The following PREPL variants were observed in gnomAD, a reference collection of about 807,000 sequenced individuals.
PREPL encodes prolyl endopeptidase-like.
In PREPL, 77 loss-of-function variants were observed where a neutral mutation model predicts 70.6. That is an observed-to-expected ratio of 1.09 (90% confidence interval 0.91 to 1.32). The LOEUF is 1.32. Ranked by LOEUF, PREPL falls within the 40% of genes most tolerant of loss-of-function variation. The pLI is 0.00. For synonymous variants in PREPL, 315 were observed against 264.8 expected (o/e 1.19, Z -1.84); for missense variants, 1,002 against 778.2 (o/e 1.29, Z -3.42).
At chr2:44,335,434 G>A (rs1178232594) in intron 7 of PREPL, among the ~76,000 whole-genome samples, 6 of 152,094 alleles carry the variant, frequency 3.9e-5, no homozygotes, top group Non-Finnish European at 8.8e-5. Context: ...AATAATAGAT[G>A]CTCCACCAGT....
intron 1 of PREPL, among the ~76,000 whole-genome samples, chr2:44,348,627 C>T (rs1676076273): frequency 1.3e-5 from 2 of 152,152 alleles, no homozygotes; most frequent in South Asian, 4.1e-4. Flanking sequence ...CTTAACTTTA[C>T]ATTCCTTCCT....
intron 1 of PREPL, among the ~76,000 whole-genome samples, chr2:44,348,598 G>A (rs954038209): frequency 2.0e-5 from 3 of 152,078 alleles, no homozygotes; most frequent in African/African-American, 4.8e-5. Flanking sequence ...GCAACAGAGC[G>A]GGCTCCAAAA....
chr2:44,327,781 TG>T (rs1673665454), intron 9 of PREPL, among the ~76,000 whole-genome samples: 1 of 152,012 alleles, frequency 6.6e-6, no homozygotes, highest in Non-Finnish European at 1.5e-5. Context: ...GAGAATTACT[TG>T]AACCTGGGAG....
At chr2:44,355,751 TTATATATATATA>T (rs112927329) in intron 1 of PREPL, among the ~76,000 whole-genome samples, 1 of 141,376 alleles carries the variant, frequency 7.1e-6, no homozygotes, top group Non-Finnish European at 1.5e-5. Flanking sequence ...AAACTACATA[TTATATATATATA>T]TATATATATA....
intron 1 of PREPL, 71 bp from the exon 2 acceptor site, chr2:44,346,461 G>A: frequency 1.4e-6 from 2 of 1,398,564 alleles, no homozygotes; most frequent in East Asian, 2.3e-5. Context: ...TTAAAGATAA[G>A]TAGGTCTATA....
chr2:44,330,868 G>A (rs1309507081), intron 8 of PREPL, among the ~76,000 whole-genome samples: 1 of 151,902 alleles, frequency 6.6e-6, no homozygotes, highest in Non-Finnish European at 1.5e-5. Flanking sequence ...TTCCTTTTCT[G>A]TGTCTCATCT....
At chr2:44,357,882 GAA>G (rs1677217797) in intron 1 of PREPL, among the ~76,000 whole-genome samples, 1 of 152,050 alleles carries the variant, frequency 6.6e-6, no homozygotes, top group Admixed American at 6.5e-5. Flanking sequence ...GAAATAAAAA[GAA>G]GTTATAAAGA....
In PREPL at chr2:44,320,593, G is replaced by T; in HGVS notation, c.*763C>A. 1 of 1,613,876 alleles carries T rather than the reference G, an allele frequency of 6.2e-7. No homozygotes were observed. Among genetic ancestry groups the T allele is most frequent in the Non-Finnish European group, 8.5e-7 (1 of 1,179,936 alleles). ...AGAGATAGATGCTTTGTTTCCAATC[G>T]AGCATGCTATTCCAGTGTACTGAAC... On this transcript the variant is annotated 3_prime_UTR_variant, in exon 14 of 14. Coordinates refer to ENST00000409411, the MANE Select transcript of PREPL (RefSeq NM_001171613.2).
chr2:44,356,459 T>G (rs900040709), intron 1 of PREPL: 1 of 152,288 alleles, frequency 6.6e-6, no homozygotes, highest in Non-Finnish European at 1.5e-5. Context: ...GCAGGAGAAT[T>G]GCCTGAATCT....
intron 1 of PREPL, among the ~76,000 whole-genome samples, chr2:44,351,092 T>C (rs1309202140): frequency 8.2e-6 from 1 of 122,328 alleles, no homozygotes; most frequent in Non-Finnish European, 1.5e-5. Flanking sequence ...CTGGCTAATT[T>C]TTTTTTTTTT....
At chr2:44,323,200 G>GTTT in intron 11 of PREPL, 62 bp downstream of exon 11, 2 of 1,297,250 alleles carry the variant, frequency 1.5e-6, no homozygotes, top group Non-Finnish European at 1.0e-6. Flanking sequence ...GCTTGGATAA[G>GTTT]TTTTTTTTTT....
chr2:44,326,942 G>A lies in PREPL; in HGVS notation c.1263-14C>T. 6.2e-7 allele frequency: 1 copy of A among 1,610,892 alleles called. No homozygotes were observed. Among genetic ancestry groups the A allele is most frequent in the Middle Eastern group, 1.7e-4 (1 of 6,054 alleles). ...TCACCACCACCTCTGAAATTGAAGG[G>A]CAAAAAAGTTTTAGTGGAAAAAAAA... On this transcript the variant is annotated splice_polypyrimidine_tract_variant and intron_variant, in intron 9 of 13. Coordinates refer to ENST00000409411, the MANE Select transcript of PREPL (RefSeq NM_001171613.2).
At chr2:44,329,173 C>A in intron 8 of PREPL, 61 bp from the exon 9 acceptor site, 1 of 1,390,272 alleles carries the variant, frequency 7.2e-7, no homozygotes, top group Non-Finnish European at 1.0e-6. Flanking sequence ...TGTTTTATCC[C>A]AATTTAAAAT....
chr2:44,326,495 G>GTTT (rs374387914), intron 10 of PREPL, among the ~76,000 whole-genome samples: 1 of 136,974 alleles, frequency 7.3e-6, no homozygotes, highest in African/African-American at 2.7e-5. Context: ...GCCTGGGTAG[G>GTTT]TTTTTTTTTT....
intron 9 of PREPL, among the ~76,000 whole-genome samples, chr2:44,328,323 G>A (rs1239467896): frequency 1.4e-5 from 2 of 143,570 alleles, no homozygotes; most frequent in Non-Finnish European, 3.0e-5. Context: ...TGTAGTCCCA[G>A]CTACTCAGGA....
chr2:44,359,503 T>A (rs780160269), intron 1 of PREPL: 3 of 1,605,764 alleles, frequency 1.9e-6, no homozygotes, highest in Middle Eastern at 1.8e-4. Flanking sequence ...ATACCTTACA[T>A]GAGAAGCTCC....
In PREPL at chr2:44,321,907, G is replaced by T; in HGVS notation, c.1754-7C>A. Reference sequence around the variant, plus strand: ...ATATTAGGGGTCTGATAGCCTGGAAGAGTTAACATGTAGAACAATTAGAAG... The same window carrying T: ...ATATTAGGGGTCTGATAGCCTGGAATAGTTAACATGTAGAACAATTAGAAG... On this transcript the variant is annotated splice_polypyrimidine_tract_variant and splice_region_variant and intron_variant, in intron 12 of 13. Transcript: ENST00000409411. The T allele has an allele frequency of 2.5e-6, 4 of 1,611,382 alleles. No homozygotes were observed. Among genetic ancestry groups the T allele is most frequent in the Non-Finnish European group, 2.5e-6 (3 of 1,178,328 alleles).
Position 44,323,245 on chromosome 2 carries a change from C to T in PREPL, c.1629+17G>A, listed in dbSNP as rs779058082. The T allele has an allele frequency of 1.3e-6, 2 of 1,574,244 alleles. No individual in the cohort carries two copies. Among genetic ancestry groups the T allele is most frequent in the Admixed American group, 1.9e-5 (1 of 52,800 alleles). The stretch of plus-strand genomic sequence containing the variant: ...TGTGTAAATTCAGGATAATCTAACA[C>T]AATTGTCTTTCACTACCTGAGGTTT... On this transcript the variant is annotated intron_variant, in intron 11 of 13. Coordinates refer to ENST00000409411, the MANE Select transcript of PREPL (RefSeq NM_001171613.2).
chr2:44,334,734 T>C (rs190809795), intron 7 of PREPL, among the ~76,000 whole-genome samples: 13 of 152,178 alleles, frequency 8.5e-5, no homozygotes, highest in African/African-American at 2.7e-4. Flanking sequence ...TTAGTATTCT[T>C]TGTATTTTAT....
Sources: allele counts gnomAD v4.1 joint callset (sites outside exome capture counted in the v4.1 genomes callset), GRCh38; gene constraint gnomAD v4.1.1; transcripts MANE v1.5; gene names NCBI Gene and HGNC (gene_info 2026-07-23, HGNC 2026-07-21).